MRPL13: variants seen among roughly 807,000 people sequenced by gnomAD.
The protein encoded by MRPL13 is mitochondrial ribosomal protein L13.
In MRPL13, 33 loss-of-function variants were observed where a neutral mutation model predicts 29.0. The ratio of observed to expected loss-of-function variants is 1.14; its 90% CI spans 0.86 to 1.52. MRPL13 has a LOEUF of 1.52. Among genes scored for constraint, MRPL13 ranks in the 40% most tolerant of loss-of-function variants. The pLI is 0.00. For missense variants in MRPL13, 227 were observed against 216.7 expected, an observed-to-expected ratio of 1.05 and a Z score of -0.30; for synonymous variants, 77 against 68.4, an observed-to-expected ratio of 1.13 and a Z score of -0.62.
chr8:120,400,353 G>T (rs1053171724), intron 6 of MRPL13, among the ~76,000 whole-genome samples: 5 of 152,092 alleles, frequency 3.3e-5, no homozygotes, highest in Non-Finnish European at 7.4e-5. Context: ...TATGGAAACC[G>T]AACAATCTGC....
chr8:120,398,443 A>T (rs1165855647), intron 6 of MRPL13, among the ~76,000 whole-genome samples: 1 of 152,130 alleles, frequency 6.6e-6, no homozygotes, highest in East Asian at 1.9e-4. Context: ...CAACAAACAA[A>T]CAAAGTAACA....
At chr8:120,423,167 A>G (rs1264407268) in intron 4 of MRPL13, among the ~76,000 whole-genome samples, 1 of 152,100 alleles carries the variant, frequency 6.6e-6, no homozygotes, top group Non-Finnish European at 1.5e-5. Context: ...AAAAAGGTCA[A>G]TCAGATTAGA....
intron 2 of MRPL13, among the ~76,000 whole-genome samples, chr8:120,437,912 A>G (rs1428041135): frequency 6.6e-6 from 1 of 152,190 alleles, no homozygotes; most frequent in Admixed American, 6.6e-5. Context: ...ATAAGCCCAT[A>G]ATATTTGCTC....
intron 5 of MRPL13, among the ~76,000 whole-genome samples, chr8:120,418,876 T>C (rs1192757737): frequency 6.6e-6 from 1 of 151,992 alleles, no homozygotes; most frequent in Non-Finnish European, 1.5e-5. Flanking sequence ...AGACAATAAA[T>C]CAATCATTTT....
Position 120,445,074 on chromosome 8 carries a change from C to A in MRPL13, c.21G>T (p.Ala7=), listed in dbSNP as rs142551534. 1 of 1,613,954 alleles carries A rather than the reference C, an allele frequency of 6.2e-7. No individual in the cohort carries two copies. The highest frequency in any genetic ancestry group is 2.2e-5 in the East Asian group (1 of 44,840). ...CATAAGAGTCCGAGCTCACCTGGGG[C>A]GCCCTAGAGAAACTCGACATATTCC... MSSFSR[A]PQQWATFARI... The change falls in exon 1 of 7, where the codon GCG becomes GCT. Residue 7 remains alanine, a synonymous_variant. Transcript: ENST00000306185.
intron 2 of MRPL13, among the ~76,000 whole-genome samples, chr8:120,436,711 G>C (rs73315147): frequency 0.055 from 8,331 of 152,136 alleles, 448 homozygotes; most frequent in African/African-American, 0.14. Context: ...GTGACTCAAG[G>C]CACAAGGATC....
chr8:120,413,899 TC>T lies in MRPL13; in HGVS notation c.515+91del, dbSNP rs1437357820. On this transcript the variant is annotated intron_variant, in intron 6 of 6. Coordinates refer to ENST00000306185, the MANE Select transcript of MRPL13 (RefSeq NM_014078.6). ...CAGGGGAGCAAAAAAATGAGTTCAC[TC>T]TTCCCGCCCTCAAGGATCTTATTTA... 6.6e-6 allele frequency: 9 copies of T among 1,359,286 alleles called. No individual in the cohort carries two copies. The South Asian group carries it at 1.9e-4, about 28-fold the overall frequency. The allele number at this position is 1,359,286 out of a possible 1,614,324, so 84.2% of individuals were successfully genotyped here.
At chr8:120,398,686 T>C (rs1386210100) in intron 6 of MRPL13, among the ~76,000 whole-genome samples, 1 of 151,934 alleles carries the variant, frequency 6.6e-6, no homozygotes, top group Non-Finnish European at 1.5e-5. Context: ...CTTCAGAAGG[T>C]GAGTAATAAT....
chr8:120,424,044 A>C (rs1043506470), intron 4 of MRPL13, among the ~76,000 whole-genome samples: 2 of 152,212 alleles, frequency 1.3e-5, no homozygotes, highest in African/African-American at 4.8e-5. Flanking sequence ...AGAGAAAAAA[A>C]AATCTAGTTA....
At chr8:120,443,526 A>T (rs1255475066) in intron 1 of MRPL13, among the ~76,000 whole-genome samples, 1 of 151,948 alleles carries the variant, frequency 6.6e-6, no homozygotes, top group Non-Finnish European at 1.5e-5. Context: ...AAAGACAAAC[A>T]CAGTAATTAT....
At chr8:120,422,550 T>C (rs989479753) in intron 4 of MRPL13, among the ~76,000 whole-genome samples, 2 of 149,004 alleles carry the variant, frequency 1.3e-5, no homozygotes, top group African/African-American at 4.9e-5. Flanking sequence ...TGAGAGGTCA[T>C]TTAATATATG....
In MRPL13 at chr8:120,398,359, A is replaced by G. The variant is rs376881090; in HGVS notation, c.516-2234T>C. On this transcript the variant is annotated intron_variant, in intron 6 of 6. Transcript: ENST00000306185. ...TCCAGGTAAGGTAAAAACTGAAACA[A>G]CTAGGGTCTGGAGCAATCCCCCAGC... 7.9e-4 allele frequency among the ~76,000 whole-genome samples: 121 copies of G among 152,292 alleles called. 1 individual carries two copies. The highest frequency in any genetic ancestry group is 2.7e-3 in the African/African-American group (114 of 41,570).
chr8:120,440,770 C>T (rs775826281), intron 2 of MRPL13, among the ~76,000 whole-genome samples: 3 of 151,332 alleles, frequency 2.0e-5, no homozygotes, highest in Non-Finnish European at 1.5e-5. Context: ...GTAACAGGGA[C>T]CATATTATTT....
intron 1 of MRPL13, 142 bp from the exon 2 acceptor site, chr8:120,443,450 A>C (rs1586930704): frequency 1.1e-5 from 9 of 806,976 alleles, no homozygotes; most frequent in Non-Finnish European, 1.5e-5. Flanking sequence ...AAATAACTCT[A>C]TTGCTAAAGA....
At chr8:120,420,785 A>G (rs984731125) in intron 4 of MRPL13, among the ~76,000 whole-genome samples, 1 of 151,868 alleles carries the variant, frequency 6.6e-6, no homozygotes, top group Non-Finnish European at 1.5e-5. Context: ...ATATTATCAT[A>G]AAGGCATTTT....
chr8:120,426,071 T>A (rs2130473974), intron 3 of MRPL13, among the ~76,000 whole-genome samples: 1 of 152,200 alleles, frequency 6.6e-6, no homozygotes, highest in South Asian at 2.1e-4. Flanking sequence ...ATTTTACTCA[T>A]ATGAATAAAT....
At chr8:120,417,762 A>ATTAT (rs1232588688) in intron 5 of MRPL13, among the ~76,000 whole-genome samples, 1 of 152,084 alleles carries the variant, frequency 6.6e-6, no homozygotes, top group Non-Finnish European at 1.5e-5. Context: ...TCATGCAGAA[A>ATTAT]TAATAGTCTT....
intron 5 of MRPL13, chr8:120,415,496 T>A (rs1351999447): frequency 6.6e-6 from 1 of 152,150 alleles, no homozygotes; most frequent in Non-Finnish European, 1.5e-5. Flanking sequence ...ATTTTATAAC[T>A]TTAGGATCAC....
chr8:120,412,801 T>C (rs1812754650), intron 6 of MRPL13, among the ~76,000 whole-genome samples: 1 of 152,164 alleles, frequency 6.6e-6, no homozygotes, highest in African/African-American at 2.4e-5. Flanking sequence ...AGAAGGGGCA[T>C]TCCAGCAGAG....
Sources: allele counts gnomAD v4.1 joint callset (sites outside exome capture counted in the v4.1 genomes callset), GRCh38; gene constraint gnomAD v4.1.1; transcripts MANE v1.5; gene names NCBI Gene and HGNC (gene_info 2026-07-23, HGNC 2026-07-21).